Variants in VPS13B observed in about 807,000 individuals in gnomAD.
VPS13B encodes intermembrane lipid transfer protein VPS13B.
In VPS13B, 285 loss-of-function variants were observed where a neutral mutation model predicts 426.4. That is an observed-to-expected ratio of 0.67 (90% confidence interval 0.61 to 0.74). The LOEUF (loss-of-function observed/expected upper bound fraction) is 0.74, where lower values mean the gene tolerates loss of function less well. VPS13B is among the 30% of genes least tolerant of loss of function. The pLI is 0.00. For synonymous variants in VPS13B, 1,676 were observed against 1,676.4 expected, an observed-to-expected ratio of 1.00 and a Z score of 0.01; for missense variants, 4,537 against 4,782.6, an observed-to-expected ratio of 0.95 and a Z score of 1.51.
intron 6 of VPS13B, among the ~76,000 whole-genome samples, chr8:99,114,068 A>G (rs1847521721): frequency 6.6e-6 from 1 of 152,062 alleles, no homozygotes; most frequent in African/African-American, 2.4e-5. Context: ...TTCTCAGAGC[A>G]GTGAAATTCT....
At chr8:99,580,190 G>A (rs1825982382) in intron 33 of VPS13B, among the ~76,000 whole-genome samples, 1 of 151,336 alleles carries the variant, frequency 6.6e-6, no homozygotes, top group South Asian at 2.1e-4. Context: ...TTTCTAGAAG[G>A]CACCCTGTGA....
chr8:99,307,592 G>A (rs1820710562), intron 19 of VPS13B, among the ~76,000 whole-genome samples: 1 of 151,960 alleles, frequency 6.6e-6, no homozygotes, highest in Admixed American at 6.6e-5. Flanking sequence ...TCTGAAAGCA[G>A]CAACAGTATA....
chr8:99,148,135 C>G, intron 14 of VPS13B, 125 bp downstream of exon 14: 1 of 1,055,598 alleles, frequency 9.5e-7, no homozygotes, highest in Non-Finnish European at 1.4e-6. Context: ...CCTGGCAATT[C>G]AGGAGGCTGG....
chr8:99,820,075 G>A lies in VPS13B; in HGVS notation c.8947G>A (p.Val2983Ile), dbSNP rs1814276375. The change falls in exon 49 of 62, where the codon GTT (valine) becomes ATT (isoleucine). Residue 2983 changes from valine to isoleucine, a missense_variant. Around this residue, in one of 2 missense-constraint regions of VPS13B, gnomAD observed 4,311 missense variants for 4,474.3 expected, o/e 0.96. Transcript: ENST00000357162. ...DLWLFEGEKI[V>I]LQVPAGKIII... ...CTGGCTATTTGAAGGAGAGAAAATTGTTCTACAGGTTCCTGCTGGCAAAAT... is the reference window on the plus strand; with the variant it reads ...CTGGCTATTTGAAGGAGAGAAAATTATTCTACAGGTTCCTGCTGGCAAAAT... The A allele has an allele frequency of 1.2e-6, 2 of 1,613,890 alleles. No individual in the cohort carries two copies. The highest frequency in any genetic ancestry group is 1.7e-5 in the Admixed American group (1 of 60,006).
chr8:99,168,342 C>A (rs570787409), intron 15 of VPS13B, among the ~76,000 whole-genome samples: 4 of 152,050 alleles, frequency 2.6e-5, no homozygotes, highest in Non-Finnish European at 5.9e-5. Flanking sequence ...CTCGTCTACA[C>A]CCAATTTCCT....
At chr8:99,664,759 A>G (rs946834552) in intron 35 of VPS13B, among the ~76,000 whole-genome samples, 1 of 152,160 alleles carries the variant, frequency 6.6e-6, no homozygotes, top group Non-Finnish European at 1.5e-5. Flanking sequence ...GCTATTGTGA[A>G]TAGTGCCGCA....
intron 34 of VPS13B, among the ~76,000 whole-genome samples, chr8:99,658,800 C>CTTGTTG (rs902726869): frequency 1.3e-5 from 2 of 151,766 alleles, no homozygotes; most frequent in Non-Finnish European, 1.5e-5. Context: ...TTTTTTTGTT[C>CTTGTTG]TTGTTGTTGT....
At chr8:99,241,463 A>G (rs767445652) in intron 17 of VPS13B, 11 of 152,198 alleles carry the variant, frequency 7.2e-5, no homozygotes, top group Non-Finnish European at 1.5e-4. Context: ...AATGTGAAAG[A>G]CAAATTTATA....
intron 39 of VPS13B, among the ~76,000 whole-genome samples, chr8:99,761,638 T>A (rs1176469670): frequency 6.6e-6 from 1 of 152,206 alleles, no homozygotes; most frequent in Non-Finnish European, 1.5e-5. Flanking sequence ...AACAAGTATT[T>A]TTTGCATATT....
At chr8:99,616,579 GCA>G (rs765325538) in intron 33 of VPS13B, among the ~76,000 whole-genome samples, 45 of 152,240 alleles carry the variant, frequency 3.0e-4, no homozygotes, top group Non-Finnish European at 4.3e-4. Context: ...TGTAATCCCA[GCA>G]CTTTGGGAGG....
At chr8:99,575,967 A>G (rs1825756009) in intron 32 of VPS13B, among the ~76,000 whole-genome samples, 183 bp downstream of exon 32, 2 of 152,168 alleles carry the variant, frequency 1.3e-5, no homozygotes, top group African/African-American at 4.8e-5. Flanking sequence ...CTTTCCTTGT[A>G]ATAACTCATT....
At position 99,870,636 on chromosome 8, in the gene VPS13B, A is replaced by ATGAT. The variant is rs1051844637; in HGVS notation, c.11393-147_11393-144dup. On this transcript the variant is annotated intron_variant, in intron 59 of 61. Coordinates refer to ENST00000357162, the MANE Select transcript of VPS13B (RefSeq NM_152564.5). The stretch of plus-strand genomic sequence containing the variant: ...AAGGTTAAGAGCATTGTAATGTTTA[A>ATGAT]TGATTATCTATACGCTTGCTTCCAA... 55 of 696,752 alleles carry ATGAT rather than the reference A, an allele frequency of 7.9e-5. No individual in the cohort carries two copies. In the African/African-American group the frequency reaches 9.2e-4, roughly 12 times the overall value. The allele number at this position is 696,752 out of a possible 1,614,324, so 43.2% of individuals were successfully genotyped here.
intron 17 of VPS13B, among the ~76,000 whole-genome samples, chr8:99,253,111 T>G (rs1041619990): frequency 6.6e-6 from 1 of 152,184 alleles, no homozygotes; most frequent in African/African-American, 2.4e-5. Flanking sequence ...GTATCTGGTT[T>G]ATTTCACTAA....
chr8:99,257,089 A>G (rs931574330), intron 17 of VPS13B, among the ~76,000 whole-genome samples: 1 of 152,202 alleles, frequency 6.6e-6, no homozygotes, highest in Non-Finnish European at 1.5e-5. Flanking sequence ...ATGAATGACC[A>G]TTAGTAAATG....
chr8:99,536,878 A>G, intron 30 of VPS13B: 1 of 473,554 alleles, frequency 2.1e-6, no homozygotes, highest in Middle Eastern at 3.7e-4. Context: ...AGAATTTTCC[A>G]AAAACTAGGG....
intron 33 of VPS13B, among the ~76,000 whole-genome samples, chr8:99,629,045 T>A (rs1828731864): frequency 6.6e-6 from 1 of 152,178 alleles, no homozygotes; most frequent in Non-Finnish European, 1.5e-5. Context: ...ATTATAGGCA[T>A]GAGCCACTAT....
At chr8:99,428,222 C>T (rs149392258) in intron 21 of VPS13B, among the ~76,000 whole-genome samples, 9,649 of 152,214 alleles carry the variant, frequency 0.063, 323 homozygotes, top group African/African-American at 0.09. Flanking sequence ...AGGACATAGG[C>T]ATGGGCAAGG....
rs572545372 is a variant in VPS13B at position 99,644,663 on chromosome 8, T to A, written c.5908+2165T>A. Among the ~76,000 whole-genome samples, 5 of 152,302 alleles carry A rather than the reference T, an allele frequency of 3.3e-5. No individual in the cohort carries two copies. In the East Asian group the frequency reaches 9.6e-4, roughly 29 times the overall value. On this transcript the variant is annotated intron_variant, in intron 34 of 61. Transcript: ENST00000357162. ...CATGGATGCCTTTCCCTACACAGAA[T>A]GCATCTACTTGAACATTTATATTAT... is the stretch of plus-strand genomic sequence containing the variant.
chr8:99,365,025 A>G (rs1056376711), intron 19 of VPS13B, among the ~76,000 whole-genome samples: 1 of 152,048 alleles, frequency 6.6e-6, no homozygotes, highest in Non-Finnish European at 1.5e-5. Context: ...TGTAACAAGG[A>G]ATTTATCCAT....
Sources: allele counts gnomAD v4.1 joint callset (sites outside exome capture counted in the v4.1 genomes callset), GRCh38; gene constraint gnomAD v4.1.1; regional missense constraint gnomAD v4.1.1; transcripts MANE v1.5; gene names NCBI Gene and HGNC (gene_info 2026-07-23, HGNC 2026-07-21).